The following CTNND2 variants were observed in gnomAD, a reference collection of about 807,000 sequenced individuals.
CTNND2 encodes the protein catenin delta 2.
Under a neutral mutation model 144.4 loss-of-function variants are expected in CTNND2, and 22 were observed. That is an observed-to-expected ratio of 0.15 (90% CI 0.11 to 0.22). The LOEUF (loss-of-function observed/expected upper bound fraction) is 0.22, where lower values mean the gene tolerates loss of function less well. CTNND2 is among the 10% of genes least tolerant of loss of function. The probability of loss-of-function intolerance (pLI) is 1.00; values close to 1 mark genes in which losing one functional copy is unlikely to be tolerated. For missense variants in CTNND2, 1,353 were observed against 1,618.8 expected (o/e 0.84, Z 2.82); for synonymous variants, 751 against 695.6 (o/e 1.08, Z -1.25).
chr5:11,867,172 C>G (rs1345960906), intron 1 of CTNND2, among the ~76,000 whole-genome samples: 2 of 152,204 alleles, frequency 1.3e-5, no homozygotes, highest in Non-Finnish European at 2.9e-5. Flanking sequence ...GGGACAGTTT[C>G]AACAAGCCGA....
intron 14 of CTNND2, among the ~76,000 whole-genome samples, chr5:11,102,944 T>C (rs1346464009): frequency 1.3e-5 from 2 of 150,956 alleles, no homozygotes; most frequent in African/African-American, 2.4e-5. Flanking sequence ...TTTGCTTCCA[T>C]GCAGGGCTTA....
intron 16 of CTNND2, among the ~76,000 whole-genome samples, chr5:11,038,305 G>T (rs891030067): frequency 6.6e-6 from 1 of 152,126 alleles, no homozygotes; most frequent in African/African-American, 2.4e-5. Context: ...CCTGAGCTTC[G>T]CCTTCTGTCA....
intron 3 of CTNND2, among the ~76,000 whole-genome samples, chr5:11,560,883 T>C (rs371106050): frequency 1.3e-5 from 2 of 152,248 alleles, no homozygotes; most frequent in Middle Eastern, 3.2e-3. Context: ...CTGGTTTATG[T>C]ATCCTGCAGA....
chr5:11,775,623 C>T (rs1020678269), intron 1 of CTNND2, among the ~76,000 whole-genome samples: 1 of 152,172 alleles, frequency 6.6e-6, no homozygotes, highest in Non-Finnish European at 1.5e-5. Context: ...TCCTACAGAA[C>T]TCAGGGAGGA....
rs200377770 is a variant in CTNND2, at chr5:11,346,607, C to T, written c.1393G>A (p.Asp465Asn). The change falls in exon 9 of 22, where the codon GAC (aspartate) becomes AAC (asparagine). Residue 465 changes from aspartate to asparagine, a missense_variant. Transcript: ENST00000304623. The stretch of plus-strand genomic sequence containing the variant: ...CCTGTGCGCTGCAAGGGGACGGAGT[C>T]GACACCAGGGGAAGATGGGGCTACG... Reference protein sequence around the residue: ...TSTAPSSPGVDSVPLQRTGSQ... With the variant: ...TSTAPSSPGVNSVPLQRTGSQ... The T allele has an allele frequency of 7.2e-6, 11 of 1,533,964 alleles. No individual in the cohort carries two copies. The highest frequency in any genetic ancestry group is 1.2e-5 in the South Asian group (1 of 80,738).
At chr5:11,185,840 T>G (rs1057232284) in intron 11 of CTNND2, among the ~76,000 whole-genome samples, 2 of 152,258 alleles carry the variant, frequency 1.3e-5, no homozygotes, top group South Asian at 4.1e-4. Context: ...GGGATTGCTA[T>G]GTTGTGTTCG....
At chr5:11,196,539 G>C (rs1462958237) in intron 11 of CTNND2, among the ~76,000 whole-genome samples, 1 of 152,224 alleles carries the variant, frequency 6.6e-6, no homozygotes, top group Non-Finnish European at 1.5e-5. Context: ...CTTACACTTA[G>C]ATCTTTGTTT....
chr5:11,522,113 C>A (rs1772781092), intron 3 of CTNND2, among the ~76,000 whole-genome samples: 1 of 152,190 alleles, frequency 6.6e-6, no homozygotes, highest in Non-Finnish European at 1.5e-5. Flanking sequence ...AATTTAAATT[C>A]ATAAACATTA....
chr5:11,317,482 T>A (rs1463231660), intron 9 of CTNND2, among the ~76,000 whole-genome samples: 4 of 152,224 alleles, frequency 2.6e-5, no homozygotes, highest in Non-Finnish European at 5.9e-5. Context: ...AACTCCCAAT[T>A]ATCCACTGTT....
intron 12 of CTNND2, among the ~76,000 whole-genome samples, chr5:11,129,106 T>TATATATATTATATATAAATAAA (rs1755165772): frequency 2.7e-4 from 5 of 18,780 alleles, no homozygotes; most frequent in African/African-American, 9.8e-4. Context: ...ATAAATAAAA[T>TATATATATTATATATAAATAAA]ATATATATTA....
At chr5:11,215,679 GA>G (rs1213041876) in intron 10 of CTNND2, among the ~76,000 whole-genome samples, 1 of 152,074 alleles carries the variant, frequency 6.6e-6, no homozygotes, top group South Asian at 2.1e-4. Context: ...CTAAAATGGG[GA>G]AAAATCTAAA....
At chr5:11,567,917 T>C (rs13180151) in intron 2 of CTNND2, among the ~76,000 whole-genome samples, 26,397 of 152,240 alleles carry the variant, frequency 0.17, 2,561 homozygotes, top group Non-Finnish European at 0.23. Context: ...ATTCCTATAA[T>C]TGTCTTCAGC....
intron 3 of CTNND2, among the ~76,000 whole-genome samples, chr5:11,516,864 A>T (rs1362192030): frequency 1.3e-5 from 2 of 152,186 alleles, no homozygotes. Context: ...AAGGACACAG[A>T]AAAGCTCAAC....
At chr5:11,373,456 G>C (rs1188723654) in intron 7 of CTNND2, among the ~76,000 whole-genome samples, 1 of 152,152 alleles carries the variant, frequency 6.6e-6, no homozygotes, top group East Asian at 1.9e-4. Flanking sequence ...TTCTGGAGAG[G>C]CAAGTATCTA....
chr5:11,398,361 T>C (rs1319285567), intron 5 of CTNND2, among the ~76,000 whole-genome samples: 1 of 152,190 alleles, frequency 6.6e-6, no homozygotes, highest in African/African-American at 2.4e-5. Flanking sequence ...TGGATCACCT[T>C]TCATAAAAAT....
chr5:11,102,163 T>G (rs1751965291), intron 14 of CTNND2, among the ~76,000 whole-genome samples: 2 of 152,230 alleles, frequency 1.3e-5, no homozygotes, highest in South Asian at 4.1e-4. Flanking sequence ...AATTTTCATC[T>G]GTTATATTTT....
chr5:11,788,532 T>C (rs951849837), intron 1 of CTNND2, among the ~76,000 whole-genome samples: 13 of 152,304 alleles, frequency 8.5e-5, no homozygotes, highest in Middle Eastern at 3.4e-3. Context: ...TGAAAAAGTC[T>C]CCTCTGTTTC....
intron 9 of CTNND2, among the ~76,000 whole-genome samples, chr5:11,263,316 G>T (rs970764697): frequency 6.6e-6 from 1 of 152,220 alleles, no homozygotes; most frequent in East Asian, 1.9e-4. Flanking sequence ...TAATTTAAGT[G>T]TATTTTAAAT....
chr5:11,352,229 G>C (rs2149749706), intron 8 of CTNND2, among the ~76,000 whole-genome samples: 1 of 152,254 alleles, frequency 6.6e-6, no homozygotes, highest in Non-Finnish European at 1.5e-5. Context: ...TATTGGAAAA[G>C]AAGACATTGA....
Sources: gnomAD v4.1 joint callset for allele counts (sites outside exome capture counted in the v4.1 genomes callset) on GRCh38, gnomAD v4.1.1 for gene constraint, MANE v1.5 for transcripts, NCBI Gene and HGNC (gene_info 2026-07-23, HGNC 2026-07-21) for gene names.